The following LOC128706665 variants were observed in gnomAD, a reference collection of about 807,000 sequenced individuals.
At chr20:10,427,931 T>G in the LOC128706665 span, among the ~76,000 whole-genome samples, 2 of 152,252 alleles carry the variant, frequency 1.3e-5, no homozygotes, top group African/African-American at 4.8e-5. Flanking sequence ...GCTAACAGCG[T>G]AACTGAGTCA....
the LOC128706665 span, among the ~76,000 whole-genome samples, chr20:10,432,614 G>C: frequency 9.5e-3 from 1,442 of 152,094 alleles, 10 homozygotes; most frequent in Non-Finnish European, 0.015. Context: ...CCAACATGGC[G>C]AAACACCATC....
the LOC128706665 span, among the ~76,000 whole-genome samples, chr20:10,424,378 G>A: frequency 6.6e-6 from 1 of 152,030 alleles, no homozygotes; most frequent in Admixed American, 6.5e-5. Flanking sequence ...AATACAGTGA[G>A]ACTTCATCTC....
the LOC128706665 span, among the ~76,000 whole-genome samples, chr20:10,430,898 T>C: frequency 1.6e-3 from 241 of 152,358 alleles, no homozygotes; most frequent in African/African-American, 5.4e-3. Flanking sequence ...TCAGACACGC[T>C]GTTGGTCTGA....
chr20:10,433,944 C>T, the LOC128706665 span, among the ~76,000 whole-genome samples: 2 of 152,214 alleles, frequency 1.3e-5, no homozygotes, highest in African/African-American at 2.4e-5. Flanking sequence ...GGTCTTTCGC[C>T]TCCTACAGAG....
chr20:10,432,789 C>CAAAAAAAAAAAA, the LOC128706665 span, among the ~76,000 whole-genome samples: 3 of 74,588 alleles, frequency 4.0e-5, no homozygotes, highest in Non-Finnish European at 7.4e-5. Context: ...GACTCTTTGT[C>CAAAAAAAAAAAA]AAAAAAAAAA....
chr20:10,425,991 GTCT>G, the LOC128706665 span, among the ~76,000 whole-genome samples: 1 of 152,154 alleles, frequency 6.6e-6, no homozygotes, highest in Non-Finnish European at 1.5e-5. Context: ...TTACTAAAAT[GTCT>G]TTTGTTAAGT....
the LOC128706665 span, among the ~76,000 whole-genome samples, chr20:10,431,094 G>T: frequency 6.6e-6 from 1 of 152,180 alleles, no homozygotes; most frequent in Non-Finnish European, 1.5e-5. Context: ...TGCCTAGCAT[G>T]TGGGAAGTGC....
At chr20:10,427,035 C>CACACAGACACACACACAG in the LOC128706665 span, among the ~76,000 whole-genome samples, 1 of 56,424 alleles carries the variant, frequency 1.8e-5, no homozygotes, top group African/African-American at 4.0e-5. Context: ...CACTGACACA[C>CACACAGACACACACACAG]ACACACACAC....
At chr20:10,427,029 G>GACACAGACACACACAC in the LOC128706665 span, among the ~76,000 whole-genome samples, 1 of 130,724 alleles carries the variant, frequency 7.6e-6, no homozygotes, top group Non-Finnish European at 1.6e-5. Flanking sequence ...AGAAAACACT[G>GACACAGACACACACAC]ACACACACAC....
chr20:10,427,069 CACACACACACAA>C, the LOC128706665 span, among the ~76,000 whole-genome samples: 2 of 126,008 alleles, frequency 1.6e-5, no homozygotes, highest in Admixed American at 7.9e-5. Context: ...CACACACACA[CACACACACACAA>C]AGTAAGGTTA....
At chr20:10,427,246 T>C in the LOC128706665 span, among the ~76,000 whole-genome samples, 1 of 152,226 alleles carries the variant, frequency 6.6e-6, no homozygotes, top group African/African-American at 2.4e-5. Context: ...GCAGGGAATG[T>C]TACATCAAAT....
At chr20:10,416,493 C>T in the LOC128706665 span, among the ~76,000 whole-genome samples, 3 of 151,784 alleles carry the variant, frequency 2.0e-5, no homozygotes, top group South Asian at 2.1e-4. Context: ...AAAAACATGA[C>T]GACAGCAACA....
chr20:10,423,699 A>C, the LOC128706665 span, among the ~76,000 whole-genome samples: 1 of 152,332 alleles, frequency 6.6e-6, no homozygotes, highest in African/African-American at 2.4e-5. Flanking sequence ...AAGATAAAAG[A>C]AATGCTCAAT....
At chr20:10,426,587 C>T in the LOC128706665 span, among the ~76,000 whole-genome samples, 21 of 152,152 alleles carry the variant, frequency 1.4e-4, no homozygotes, top group African/African-American at 2.9e-4. Context: ...TTAGTAGAGA[C>T]GGGGTTTCAC....
the LOC128706665 span, among the ~76,000 whole-genome samples, chr20:10,416,645 T>C: frequency 6.6e-6 from 1 of 152,230 alleles, no homozygotes; most frequent in South Asian, 2.1e-4. Flanking sequence ...GCTTTCCTTG[T>C]ATAAATGCAT....
chr20:10,414,691 C>T, the LOC128706665 span, among the ~76,000 whole-genome samples: 1 of 152,120 alleles, frequency 6.6e-6, no homozygotes, highest in African/African-American at 2.4e-5. Flanking sequence ...GCATTTATAT[C>T]AAGTCATGTT....
the LOC128706665 span, among the ~76,000 whole-genome samples, chr20:10,422,770 G>T: frequency 6.7e-6 from 1 of 150,222 alleles, no homozygotes; most frequent in Non-Finnish European, 1.5e-5. Context: ...GTAGTGCAGT[G>T]GTGCGATCTC....
chr20:10,422,775 G>A, the LOC128706665 span, among the ~76,000 whole-genome samples: 19 of 150,558 alleles, frequency 1.3e-4, no homozygotes, highest in Admixed American at 2.7e-4. Context: ...GCAGTGGTGC[G>A]ATCTCAGCTC....
the LOC128706665 span, among the ~76,000 whole-genome samples, chr20:10,416,246 G>A: frequency 6.6e-6 from 1 of 152,102 alleles, no homozygotes; most frequent in Non-Finnish European, 1.5e-5. Flanking sequence ...TATAAAATAT[G>A]ATTTAAAGAA....
Sources: allele counts gnomAD v4.1 joint callset (sites outside exome capture counted in the v4.1 genomes callset), GRCh38; gene constraint gnomAD v4.1.1; transcripts MANE v1.5.